Variants in TRERF1 observed in about 807,000 individuals in gnomAD.
TRERF1 encodes the protein transcriptional regulating factor 1.
In TRERF1, 27 loss-of-function variants were observed where a neutral mutation model predicts 122.9. The observed-to-expected ratio is 0.22, with a 90% CI of 0.16 to 0.30. The LOEUF is 0.30. Ranked by LOEUF, TRERF1 falls within the 10% of genes least tolerant of loss-of-function variation. TRERF1 has a pLI of 1.00. For synonymous variants in TRERF1, 636 were observed against 641.7 expected (o/e 0.99, Z 0.13); for missense variants, 1,248 against 1,560.3 (o/e 0.80, Z 3.37).
At chr6:42,290,627 T>C (rs1332703097) in intron 4 of TRERF1, among the ~76,000 whole-genome samples, 1 of 145,992 alleles carries the variant, frequency 6.8e-6, no homozygotes, top group East Asian at 2.0e-4. Flanking sequence ...ACCCAGAACA[T>C]CATTTTTTTT....
chr6:42,434,709 CA>C lies in TRERF1; in HGVS notation c.-454+16467del, dbSNP rs1379204394. ...ACACACACACACACACACACACACA[CA>C]CCCCTAATAGGAGTTATTCATGTAG... On this transcript the variant is annotated intron_variant, in intron 2 of 17. Transcript: ENST00000372922. Among the ~76,000 whole-genome samples the C allele has an allele frequency of 2.1e-3, 318 of 150,260 alleles. 4 individuals carry two copies. In the South Asian group the frequency reaches 0.021, roughly 10 times the overall value.
intron 2 of TRERF1, among the ~76,000 whole-genome samples, chr6:42,446,794 G>C (rs554426964): frequency 6.6e-6 from 1 of 152,130 alleles, no homozygotes; most frequent in Non-Finnish European, 1.5e-5. Flanking sequence ...CTTGAGGCTA[G>C]GAGTTCAAGA....
exon 18 of TRERF1, chr6:42,226,842 T>G (rs570975870): frequency 1.3e-5 from 2 of 152,374 alleles, no homozygotes; most frequent in African/African-American, 4.8e-5. Flanking sequence ...TACGTGGAGC[T>G]GGGAACCAGC....
At chr6:42,329,979 ACTCT>A (rs1764977930) in intron 3 of TRERF1, among the ~76,000 whole-genome samples, 1 of 151,950 alleles carries the variant, frequency 6.6e-6, no homozygotes, top group Non-Finnish European at 1.5e-5. Flanking sequence ...ACAGAGCAAG[ACTCT>A]GTCTTGGGGG....
chr6:42,261,014 C>T (rs1163301217), intron 8 of TRERF1, among the ~76,000 whole-genome samples: 1 of 152,110 alleles, frequency 6.6e-6, no homozygotes, highest in African/African-American at 2.4e-5. Context: ...AGGTTCCTAA[C>T]TACCCCCGCC....
At chr6:42,285,055 T>C (rs920059775) in intron 4 of TRERF1, among the ~76,000 whole-genome samples, 1 of 152,202 alleles carries the variant, frequency 6.6e-6, no homozygotes. Flanking sequence ...GGGTTGAATC[T>C]GTAAATTACC....
chr6:42,317,313 T>C (rs894107153), intron 3 of TRERF1, among the ~76,000 whole-genome samples: 1 of 152,074 alleles, frequency 6.6e-6, no homozygotes, highest in Non-Finnish European at 1.5e-5. Context: ...TGGGTAATTA[T>C]ACCCTCACTC....
chr6:42,374,502 T>G (rs893291928), intron 2 of TRERF1, among the ~76,000 whole-genome samples: 2 of 152,148 alleles, frequency 1.3e-5, no homozygotes, highest in African/African-American at 4.8e-5. Context: ...TCACCAGCCT[T>G]AGATGGTTTC....
intron 3 of TRERF1, among the ~76,000 whole-genome samples, chr6:42,321,437 G>T (rs1561985106): frequency 6.6e-6 from 1 of 151,696 alleles, no homozygotes; most frequent in Admixed American, 6.6e-5. Context: ...TAACAGCAAA[G>T]TTTTTAAAAA....
intron 2 of TRERF1, among the ~76,000 whole-genome samples, chr6:42,397,824 A>G (rs1778848246): frequency 6.6e-6 from 1 of 152,214 alleles, no homozygotes; most frequent in Non-Finnish European, 1.5e-5. Context: ...ATATACAGCA[A>G]TCGTCTGATA....
chr6:42,451,780 A>G (rs372214584), intron 1 of TRERF1, among the ~76,000 whole-genome samples: 16 of 151,880 alleles, frequency 1.1e-4, no homozygotes, highest in East Asian at 3.9e-4. Flanking sequence ...CTCCGCCGCA[A>G]GCAACTCCAA....
At chr6:42,247,898 C>T (rs545432905) in intron 13 of TRERF1, among the ~76,000 whole-genome samples, 4 of 152,084 alleles carry the variant, frequency 2.6e-5, no homozygotes, top group Non-Finnish European at 5.9e-5. Flanking sequence ...CTTCTCTAGA[C>T]TTCATTAGTG....
At chr6:42,290,119 G>A (rs1458224858) in intron 4 of TRERF1, among the ~76,000 whole-genome samples, 7 of 152,156 alleles carry the variant, frequency 4.6e-5, no homozygotes, top group South Asian at 2.1e-4. Flanking sequence ...GAAGAAGGGC[G>A]GCCAGCACGC....
intron 5 of TRERF1, among the ~76,000 whole-genome samples, chr6:42,266,056 C>T (rs1385967119): frequency 6.6e-6 from 1 of 152,110 alleles, no homozygotes; most frequent in Non-Finnish European, 1.5e-5. Context: ...CAGGATGCAA[C>T]TCCCCCACCG....
At chr6:42,323,360 G>A (rs141920996) in intron 3 of TRERF1, among the ~76,000 whole-genome samples, 1,745 of 151,994 alleles carry the variant, frequency 0.011, 27 homozygotes, top group African/African-American at 0.039. Context: ...CACCACGCCC[G>A]GCTAATTTTT....
At chr6:42,374,898 C>T (rs1235268532) in intron 2 of TRERF1, among the ~76,000 whole-genome samples, 1 of 150,060 alleles carries the variant, frequency 6.7e-6, no homozygotes, top group African/African-American at 2.5e-5. Flanking sequence ...GTGGTCCCAG[C>T]TATTCAGGAG....
chr6:42,269,668 C>A lies in TRERF1; in HGVS notation c.-78G>T, dbSNP rs1272038696. On this transcript the variant is annotated 5_prime_UTR_variant, in exon 5 of 18. Coordinates refer to ENST00000372922, the Ensembl canonical transcript of TRERF1. This position sits in a 1 kb window ranked among gnomAD's most constrained non-coding sequence, Gnocchi z 4.9. ...TAAAACAAACCCAAAAGGACTGAAACCCTGAGAAGCTGAGAGAAAAGTGTC... is the reference window on the plus strand; with the variant it reads ...TAAAACAAACCCAAAAGGACTGAAAACCTGAGAAGCTGAGAGAAAAGTGTC... The A allele has an allele frequency of 2.0e-6, 3 of 1,512,698 alleles. No individual in the cohort carries two copies. In the East Asian group the frequency reaches 7.0e-5, roughly 35 times the overall value. 93.7% of individuals were successfully genotyped at this position (1,512,698 alleles called of 1,614,324 possible).
At chr6:42,262,576 A>G (rs947852405) in intron 8 of TRERF1, among the ~76,000 whole-genome samples, 1 of 150,456 alleles carries the variant, frequency 6.6e-6, no homozygotes, top group Admixed American at 6.6e-5. Context: ...AGAGAGAGAG[A>G]GAGAGAGAGA....
At chr6:42,366,281 G>A (rs1021539427) in intron 2 of TRERF1, among the ~76,000 whole-genome samples, 1 of 152,188 alleles carries the variant, frequency 6.6e-6, no homozygotes, top group African/African-American at 2.4e-5. Flanking sequence ...GCAACTGCCC[G>A]CTGCTCAACA....
Sources: gnomAD v4.1 joint callset for allele counts (sites outside exome capture counted in the v4.1 genomes callset) on GRCh38, gnomAD v4.1.1 for gene constraint, Gnocchi (gnomAD v3.1) non-coding constraint, MANE v1.5 for transcripts, NCBI Gene and HGNC (gene_info 2026-07-23, HGNC 2026-07-21) for gene names.